The following ZFYVE26 variants were observed in gnomAD, a reference collection of about 807,000 sequenced individuals.
ZFYVE26 encodes the protein zinc finger FYVE-type containing 26.
A neutral mutation model predicts 276.5 loss-of-function variants in ZFYVE26; 181 were observed. The observed-to-expected ratio is 0.65, with a 90% CI of 0.58 to 0.74. The LOEUF (loss-of-function observed/expected upper bound fraction) is 0.74, where lower values mean the gene tolerates loss of function less well. ZFYVE26 is among the 30% of genes least tolerant of loss of function. The pLI is 0.00. For synonymous variants in ZFYVE26, 1,129 were observed against 1,203.1 expected (o/e 0.94, Z 1.27); for missense variants, 2,821 against 3,097.9 (o/e 0.91, Z 2.12).
Position 67,793,594 on chromosome 14 carries a change from T to C in ZFYVE26, c.2553+14A>G. On this transcript the variant is annotated intron_variant, in intron 14 of 41. Transcript: ENST00000347230. ...AAGTCATTCAGGGGCTGAAAAGGTA[T>C]GGCCTCCCCTCACCTGATGGGCTTC... 2 of 1,612,760 alleles carry C rather than the reference T, an allele frequency of 1.2e-6. No homozygotes were observed. The highest frequency in any genetic ancestry group is 8.5e-7 in the Non-Finnish European group (1 of 1,179,432).
In ZFYVE26 at chr14:67,768,586, T is replaced by G. The variant is rs4902516; in HGVS notation, c.5622-38A>C. ...AAAGAAAAATTATTAAATAAATGCC[T>G]GAGTCACTTCTTTGTTTTGAGCTTC... On this transcript the variant is annotated intron_variant, in intron 29 of 41. Coordinates refer to ENST00000347230, the MANE Select transcript of ZFYVE26 (RefSeq NM_015346.4). 0.011 allele frequency: 17,404 copies of G among 1,607,228 alleles called. 1,241 individuals are homozygous for G. In the African/African-American group the frequency reaches 0.17, roughly 16 times the overall value.
chr14:67,785,335 G>C, intron 18 of ZFYVE26, 58 bp from the exon 19 acceptor site: 1 of 1,489,460 alleles, frequency 6.7e-7, no homozygotes, highest in South Asian at 1.2e-5. Flanking sequence ...TCCAGCTTTG[G>C]GTCAATTTCT....
chr14:67,733,254 T>C (rs2038309354), intron 13 of ZFYVE26, among the ~76,000 whole-genome samples: 26 of 152,214 alleles, frequency 1.7e-4, no homozygotes, highest in Admixed American at 1.7e-3. Context: ...GGGTTCATGG[T>C]ATGCAAGTGC....
intron 13 of ZFYVE26, among the ~76,000 whole-genome samples, chr14:67,741,240 G>A (rs564996803): frequency 6.6e-6 from 1 of 152,196 alleles, no homozygotes; most frequent in South Asian, 2.1e-4. Flanking sequence ...TTAATCATGA[G>A]AGTAAATGTT....
rs756738632 is a variant in ZFYVE26, at chr14:67,752,382, G to A, written c.7333C>T (p.Leu2445Phe). 4 of 1,612,638 alleles carry A rather than the reference G, an allele frequency of 2.5e-6. No individual in the cohort carries two copies. Among genetic ancestry groups the A allele is most frequent in the South Asian group, 1.1e-5 (1 of 90,562 alleles). Residue 2445 changes from leucine (L) to phenylalanine (F), a missense_variant, in exon 40 of 42, where the codon CTC (leucine) becomes TTC (phenylalanine). Leu to Phe is a conservative substitution (Grantham distance 22). Coordinates refer to ENST00000347230, the MANE Select transcript of ZFYVE26 (RefSeq NM_015346.4). ...AAKSDGDTIL[L>F]NCLEAFKRIP... ...CTCTTGAACGCTTCCAGGCAGTTGA[G>A]GAGGATGGTGTCCCCGTCACTTTTG... is the stretch of plus-strand genomic sequence containing the variant.
At chr14:67,783,691 C>T (rs2039573008) in intron 20 of ZFYVE26, among the ~76,000 whole-genome samples, 166 bp from the exon 21 acceptor site, 1 of 152,164 alleles carries the variant, frequency 6.6e-6, no homozygotes, top group Non-Finnish European at 1.5e-5. Flanking sequence ...ATCGCTCTGC[C>T]CTTTATGTTT....
intron 17 of ZFYVE26, 45 bp from the exon 18 acceptor site, chr14:67,786,067 C>G: frequency 1.2e-6 from 2 of 1,614,124 alleles, no homozygotes; most frequent in Non-Finnish European, 1.7e-6. Flanking sequence ...CTGTTGCTGA[C>G]CTAATGTTCC....
chr14:67,732,237 T>C (rs548519606), intron 13 of ZFYVE26, among the ~76,000 whole-genome samples: 5 of 150,808 alleles, frequency 3.3e-5, no homozygotes, highest in Admixed American at 1.3e-4. Flanking sequence ...GGGAATTCCA[T>C]ACCAGCCTGG....
At chr14:67,799,001 C>T (rs759732780) in intron 10 of ZFYVE26, 655 of 1,139,210 alleles carry the variant, frequency 5.7e-4, no homozygotes, top group Non-Finnish European at 8.3e-4. Flanking sequence ...TACTCTCTGC[C>T]CTCAGATCCT....
chr14:67,814,077 A>T lies in ZFYVE26; in HGVS notation c.195-13T>A. Reference sequence around the variant, plus strand: ...GTCCTGCCCACATCTGAAAAAGGTAAAAAGAAAGACTTGTAAAAAAGAGTT... The same window carrying T: ...GTCCTGCCCACATCTGAAAAAGGTATAAAGAAAGACTTGTAAAAAAGAGTT... On this transcript the variant is annotated splice_polypyrimidine_tract_variant and intron_variant, in intron 2 of 41. Transcript: ENST00000347230. The T allele has an allele frequency of 6.2e-7, 1 of 1,607,832 alleles. No individual in the cohort carries two copies. Among genetic ancestry groups the T allele is most frequent in the Middle Eastern group, 1.7e-4 (1 of 6,040 alleles).
chr14:67,765,030 CT>C (rs935693984), intron 32 of ZFYVE26, among the ~76,000 whole-genome samples: 3 of 151,800 alleles, frequency 2.0e-5, no homozygotes, highest in Non-Finnish European at 4.4e-5. Context: ...TGTTTTCCAT[CT>C]TTTTTTTCCT....
downstream of ZFYVE26, among the ~76,000 whole-genome samples, chr14:67,742,833 T>C (rs1353045715): frequency 9.1e-5 from 2 of 21,920 alleles, no homozygotes; most frequent in African/African-American, 1.9e-4. Flanking sequence ...TTCTTTCTTC[T>C]TCTTCTTTTT....
intron 32 of ZFYVE26, among the ~76,000 whole-genome samples, chr14:67,763,752 C>T (rs951034113): frequency 2.0e-5 from 3 of 152,114 alleles, no homozygotes; most frequent in African/African-American, 4.8e-5. Context: ...GGATAATGTC[C>T]GGAACTTTTC....
Position 67,790,888 on chromosome 14 carries a change from T to C in ZFYVE26, c.2554-115A>G, listed in dbSNP as rs372583490. Reference sequence around the variant, plus strand: ...GTGGCCCTAAGATGTCTTTGTGCTTTGTAGGGTCAGAAGAGCACTGAATGT... The same window carrying C: ...GTGGCCCTAAGATGTCTTTGTGCTTCGTAGGGTCAGAAGAGCACTGAATGT... On this transcript the variant is annotated intron_variant, in intron 14 of 41. Transcript: ENST00000347230. 1.2e-5 allele frequency: 12 copies of C among 960,762 alleles called. 1 individual carries two copies. The African/African-American group carries it at 1.7e-4, about 14-fold the overall frequency. 59.5% of individuals were successfully genotyped at this position (960,762 alleles called of 1,614,324 possible).
At chr14:67,762,528 T>C (rs1329244772) in intron 33 of ZFYVE26, 116 bp from the exon 34 acceptor site, 11 of 1,532,430 alleles carry the variant, frequency 7.2e-6, no homozygotes, top group Non-Finnish European at 9.8e-6. Flanking sequence ...CTGCCATTAC[T>C]TCTCTGCTGG....
rs770545557 is a variant in ZFYVE26 at position 67,798,625 on chromosome 14, A to G, written c.1640-3T>C. 2.5e-6 allele frequency: 4 copies of G among 1,613,800 alleles called. No individual in the cohort carries two copies. The highest frequency in any genetic ancestry group is 2.5e-6 in the Non-Finnish European group (3 of 1,180,028). ...AGTTGAGAAGAGATTTGCAGCACCT[A>G]CAAAAACATGTACAAGAGAAGAGGC... On this transcript the variant is annotated splice_region_variant and splice_polypyrimidine_tract_variant and intron_variant, in intron 10 of 41. Transcript: ENST00000347230.
intron 13 of ZFYVE26, among the ~76,000 whole-genome samples, chr14:67,733,127 T>C (rs568568902): frequency 6.4e-5 from 7 of 109,262 alleles, no homozygotes; most frequent in African/African-American, 1.4e-4. Flanking sequence ...ATAATAATAA[T>C]AAAATTAAAA....
chr14:67,790,309 A>G (rs897696331), intron 15 of ZFYVE26, among the ~76,000 whole-genome samples: 1 of 152,260 alleles, frequency 6.6e-6, no homozygotes, highest in African/African-American at 2.4e-5. Context: ...ACACAGGTTA[A>G]AAACAGCATT....
chr14:67,731,997 G>C (rs560742306), intron 13 of ZFYVE26, among the ~76,000 whole-genome samples: 2 of 151,446 alleles, frequency 1.3e-5, no homozygotes, highest in Non-Finnish European at 1.5e-5. Context: ...CATGTTGGTG[G>C]GTGCCTGTAA....
Sources: gnomAD v4.1 joint callset for allele counts (sites outside exome capture counted in the v4.1 genomes callset) on GRCh38, gnomAD v4.1.1 for gene constraint, MANE v1.5 for transcripts, NCBI Gene and HGNC (gene_info 2026-07-23, HGNC 2026-07-21) for gene names.